UBE2E2: variants seen among roughly 807,000 people sequenced by gnomAD.
UBE2E2 encodes ubiquitin conjugating enzyme E2 E2, also known as ubiquitin-conjugating enzyme E2 E2.
Under a neutral mutation model 24.7 loss-of-function variants are expected in UBE2E2, and 6 were observed. The observed-to-expected ratio is 0.24, with a 90% CI of 0.13 to 0.48. UBE2E2 has a LOEUF of 0.48. Among genes scored for constraint, UBE2E2 ranks in the 20% least tolerant of loss-of-function variants. The pLI is 0.99. For synonymous variants in UBE2E2, 104 were observed against 83.6 expected (o/e 1.24, Z -1.33); for missense variants, 169 against 245.0 (o/e 0.69, Z 2.07).
intron 3 of UBE2E2, among the ~76,000 whole-genome samples, chr3:23,266,052 G>C (rs1457472443): frequency 6.6e-6 from 1 of 152,202 alleles, no homozygotes; most frequent in Non-Finnish European, 1.5e-5. Context: ...CTGCACGTGA[G>C]ATGGGTTCCC....
chr3:23,349,874 G>T (rs1285979625), intron 3 of UBE2E2, among the ~76,000 whole-genome samples: 1 of 152,244 alleles, frequency 6.6e-6, no homozygotes. Flanking sequence ...CAGCTTTGAA[G>T]AGAGCAGTGG....
At chr3:23,314,283 C>G (rs1405055762) in intron 3 of UBE2E2, among the ~76,000 whole-genome samples, 1 of 152,134 alleles carries the variant, frequency 6.6e-6, no homozygotes, top group Non-Finnish European at 1.5e-5. Context: ...TGCACACCAC[C>G]ATGCCTGGCT....
At chr3:23,399,565 A>C (rs1178751200) in intron 3 of UBE2E2, among the ~76,000 whole-genome samples, 1 of 152,200 alleles carries the variant, frequency 6.6e-6, no homozygotes, top group Non-Finnish European at 1.5e-5. Flanking sequence ...TTACTTTTGC[A>C]CTAAATTAGT....
At chr3:23,502,055 G>A (rs1426886040) in intron 4 of UBE2E2, among the ~76,000 whole-genome samples, 1 of 152,054 alleles carries the variant, frequency 6.6e-6, no homozygotes, top group African/African-American at 2.4e-5. Context: ...TGTGTTACTC[G>A]AGGGAGAAAA....
chr3:23,316,018 G>A (rs1175292786), intron 3 of UBE2E2, among the ~76,000 whole-genome samples: 3 of 152,120 alleles, frequency 2.0e-5, no homozygotes, highest in East Asian at 3.9e-4. Flanking sequence ...AGCTGGTGGA[G>A]AGGTGACACA....
chr3:23,210,952 T>G (rs1380902959), intron 2 of UBE2E2, among the ~76,000 whole-genome samples: 1 of 152,192 alleles, frequency 6.6e-6, no homozygotes, highest in Non-Finnish European at 1.5e-5. Flanking sequence ...TTAAAAAACC[T>G]TATTTTCCCC....
At chr3:23,269,419 G>C (rs1205461316) in intron 3 of UBE2E2, among the ~76,000 whole-genome samples, 1 of 152,122 alleles carries the variant, frequency 6.6e-6, no homozygotes, top group East Asian at 1.9e-4. Flanking sequence ...AAGGCTTTTG[G>C]GGCTCTATTG....
chr3:23,516,808 T>G (rs1486420825), intron 4 of UBE2E2, among the ~76,000 whole-genome samples: 1 of 152,134 alleles, frequency 6.6e-6, no homozygotes, highest in Non-Finnish European at 1.5e-5. Flanking sequence ...TGAGTCTTAT[T>G]AATTTAAAGT....
intron 3 of UBE2E2, among the ~76,000 whole-genome samples, chr3:23,346,936 T>G (rs1695573589): frequency 6.6e-6 from 1 of 152,228 alleles, no homozygotes; most frequent in African/African-American, 2.4e-5. Flanking sequence ...GAAAGATTTA[T>G]AATCAGAAGC....
chr3:23,227,907 A>G (rs971527300), intron 3 of UBE2E2, among the ~76,000 whole-genome samples: 2 of 152,174 alleles, frequency 1.3e-5, no homozygotes, highest in Non-Finnish European at 2.9e-5. Context: ...CTCCTTCATT[A>G]CTGCCAAGAG....
chr3:23,578,177 T>C (rs1008557577), intron 5 of UBE2E2, among the ~76,000 whole-genome samples: 1 of 151,926 alleles, frequency 6.6e-6, no homozygotes, highest in African/African-American at 2.4e-5. Context: ...AATAAAAATA[T>C]GAAAAAAAGC....
chr3:23,479,617 T>A (rs142597706), intron 3 of UBE2E2, among the ~76,000 whole-genome samples: 1 of 152,244 alleles, frequency 6.6e-6, no homozygotes, highest in Non-Finnish European at 1.5e-5. Context: ...AAGTTCTTGT[T>A]CCACATCCAG....
In UBE2E2 at chr3:23,308,802, G is replaced by A. The variant is rs539823294; in HGVS notation, c.227+91490G>A. Among the ~76,000 whole-genome samples the A allele has an allele frequency of 1.6e-3, 238 of 152,240 alleles. 1 individual carries two copies. Among genetic ancestry groups the A allele is most frequent in the African/African-American group, 5.5e-3 (230 of 41,542 alleles). On this transcript the variant is annotated intron_variant, in intron 3 of 5. Transcript: ENST00000396703. ...TGCAAGCTGGAGAATGATGGAAGCCGGTAGCATGGCTCTCTCTAAGTCCGG... is the reference window on the plus strand; with the variant it reads ...TGCAAGCTGGAGAATGATGGAAGCCAGTAGCATGGCTCTCTCTAAGTCCGG...
intron 3 of UBE2E2, among the ~76,000 whole-genome samples, chr3:23,283,213 CT>C (rs879738832): frequency 2.2e-4 from 33 of 147,348 alleles, no homozygotes; most frequent in African/African-American, 2.7e-4. Context: ...CAGTAAAAAA[CT>C]TTTTTTTTTT....
chr3:23,305,465 G>A (rs189782665), intron 3 of UBE2E2, among the ~76,000 whole-genome samples: 6 of 152,174 alleles, frequency 3.9e-5, no homozygotes, highest in Admixed American at 2.6e-4. Flanking sequence ...GATACATTGC[G>A]GTGATTTGAA....
chr3:23,347,994 C>G (rs1695612489), intron 3 of UBE2E2, among the ~76,000 whole-genome samples: 1 of 151,904 alleles, frequency 6.6e-6, no homozygotes, highest in African/African-American at 2.4e-5. Context: ...TACCCTAGAA[C>G]TTAAAGTATA....
chr3:23,301,182 C>T (rs903427696), intron 3 of UBE2E2, among the ~76,000 whole-genome samples: 4 of 152,080 alleles, frequency 2.6e-5, no homozygotes, highest in African/African-American at 7.2e-5. Context: ...GTTATCCATT[C>T]GTCTAATTTT....
chr3:23,476,106 C>T (rs908482813), intron 3 of UBE2E2, among the ~76,000 whole-genome samples: 2 of 152,014 alleles, frequency 1.3e-5, no homozygotes, highest in Non-Finnish European at 2.9e-5. Context: ...CTAAGTGACC[C>T]ACCAAGCAAA....
intron 3 of UBE2E2, among the ~76,000 whole-genome samples, chr3:23,337,644 C>T (rs1293067208): frequency 6.6e-6 from 1 of 151,844 alleles, no homozygotes; most frequent in East Asian, 1.9e-4. Context: ...AGGACTAAGG[C>T]GGGGATGTAG....
Sources: gnomAD v4.1 joint callset for allele counts (sites outside exome capture counted in the v4.1 genomes callset) on GRCh38, gnomAD v4.1.1 for gene constraint, MANE v1.5 for transcripts, NCBI Gene and HGNC (gene_info 2026-07-23, HGNC 2026-07-21) for gene names.